Variants in TCF12 observed in about 807,000 individuals in gnomAD.
TCF12 encodes transcription factor 12, also known as DNA-binding protein HTF4.
In TCF12, 45 loss-of-function variants were observed where a neutral mutation model predicts 86.0. The ratio of observed to expected loss-of-function variants is 0.52; its 90% confidence interval spans 0.41 to 0.67. TCF12 has a LOEUF of 0.67. TCF12 is among the 30% of genes least tolerant of loss of function. The pLI is 0.00. For synonymous variants in TCF12, 330 were observed against 299.6 expected, an observed-to-expected ratio of 1.10 and a Z score of -1.05; for missense variants, 881 against 859.9, an observed-to-expected ratio of 1.02 and a Z score of -0.31.
intron 3 of TCF12, among the ~76,000 whole-genome samples, chr15:57,056,116 G>GGGGTGTGTGTGTGTGT (rs367596955): frequency 1.4e-5 from 2 of 143,238 alleles, no homozygotes; most frequent in Admixed American, 6.9e-5. Flanking sequence ...TAGTTTTAGG[G>GGGGTGTGTGTGTGTGT]GTGTGTGTGT....
chr15:57,227,030 AG>A (rs1157402838), intron 8 of TCF12, among the ~76,000 whole-genome samples: 1 of 152,128 alleles, frequency 6.6e-6, no homozygotes, highest in Non-Finnish European at 1.5e-5. Context: ...TATCTCAATT[AG>A]GATATATAGC....
At chr15:57,199,299 C>G (rs1157396609) in intron 8 of TCF12, among the ~76,000 whole-genome samples, 8 of 152,106 alleles carry the variant, frequency 5.3e-5, no homozygotes, top group African/African-American at 1.9e-4. Context: ...CAGATGATTT[C>G]TGTTAAATTA....
intron 8 of TCF12, among the ~76,000 whole-genome samples, chr15:57,225,290 G>A (rs1465019940): frequency 7.7e-6 from 1 of 129,492 alleles, no homozygotes; most frequent in Admixed American, 9.0e-5. Context: ...CTGGAGTGCA[G>A]TGGCAATGGT....
At chr15:57,077,253 TG>T (rs2070152388) in intron 4 of TCF12, among the ~76,000 whole-genome samples, 6 of 152,040 alleles carry the variant, frequency 3.9e-5, no homozygotes, top group African/African-American at 1.4e-4. Context: ...AACTTAACAG[TG>T]TGGAGGCTTT....
chr15:57,065,969 T>C (rs1194223717), intron 4 of TCF12, among the ~76,000 whole-genome samples: 11 of 152,198 alleles, frequency 7.2e-5, no homozygotes, highest in Non-Finnish European at 2.9e-5. Context: ...TTTATTTTTG[T>C]TCCCATTGAA....
At chr15:57,176,460 A>G (rs376882403) in intron 6 of TCF12, among the ~76,000 whole-genome samples, 4 of 152,244 alleles carry the variant, frequency 2.6e-5, no homozygotes, top group South Asian at 2.1e-4. Flanking sequence ...TAGGTTAACA[A>G]TGATGATACT....
chr15:57,239,629 T>G (rs1295501443), intron 12 of TCF12, among the ~76,000 whole-genome samples: 1 of 151,944 alleles, frequency 6.6e-6, no homozygotes, highest in African/African-American at 2.4e-5. Flanking sequence ...GCCGCAAGTT[T>G]GAGTAAAGAT....
At chr15:56,976,920 A>G (rs1253600319) in intron 3 of TCF12, among the ~76,000 whole-genome samples, 5 of 152,186 alleles carry the variant, frequency 3.3e-5, no homozygotes, top group African/African-American at 9.7e-5. Flanking sequence ...GTGAGGGGAC[A>G]TATTTTAAAA....
At chr15:56,992,892 T>TG (rs2063521969) in intron 3 of TCF12, among the ~76,000 whole-genome samples, 1 of 152,178 alleles carries the variant, frequency 6.6e-6, no homozygotes, top group South Asian at 2.1e-4. Context: ...ATTGAGCAAC[T>TG]GAGAAGAAGT....
chr15:56,940,393 A>G (rs1404781914), intron 3 of TCF12, among the ~76,000 whole-genome samples: 2 of 152,112 alleles, frequency 1.3e-5, no homozygotes, highest in Admixed American at 6.6e-5. Flanking sequence ...TGTTGTCTTC[A>G]TATTTTGAAG....
At chr15:56,938,104 G>C (rs1296729178) in intron 3 of TCF12, among the ~76,000 whole-genome samples, 2 of 86,758 alleles carry the variant, frequency 2.3e-5, no homozygotes. Flanking sequence ...TTGCATCTAT[G>C]TTCATCAGTG....
At chr15:56,975,750 T>G (rs2140815150) in intron 3 of TCF12, among the ~76,000 whole-genome samples, 1 of 152,138 alleles carries the variant, frequency 6.6e-6, no homozygotes, top group South Asian at 2.1e-4. Context: ...TAATAAAACT[T>G]TAGGTTTTAA....
At chr15:57,124,951 C>T (rs1480309191) in intron 5 of TCF12, among the ~76,000 whole-genome samples, 2 of 152,172 alleles carry the variant, frequency 1.3e-5, no homozygotes, top group East Asian at 3.9e-4. Flanking sequence ...GGATTACAGG[C>T]ATGAGCCACC....
At chr15:57,106,691 C>T (rs2050154693) in intron 5 of TCF12, among the ~76,000 whole-genome samples, 1 of 152,074 alleles carries the variant, frequency 6.6e-6, no homozygotes, top group South Asian at 2.1e-4. Flanking sequence ...GACTACTGTT[C>T]AAAATATATA....
chr15:57,179,943 T>A (rs1462725138), intron 6 of TCF12, among the ~76,000 whole-genome samples: 2 of 152,226 alleles, frequency 1.3e-5, no homozygotes, highest in Non-Finnish European at 2.9e-5. Context: ...TGCCAGTTGC[T>A]ATTGATTACT....
At chr15:57,280,858 T>C (rs2061653462) in intron 19 of TCF12, among the ~76,000 whole-genome samples, 1 of 152,226 alleles carries the variant, frequency 6.6e-6, no homozygotes, top group Admixed American at 6.5e-5. Context: ...AAATGATCCC[T>C]TTATATTATA....
intron 9 of TCF12, among the ~76,000 whole-genome samples, chr15:57,231,930 G>A (rs947183045): frequency 2.0e-5 from 3 of 152,056 alleles, no homozygotes; most frequent in African/African-American, 7.2e-5. Flanking sequence ...TGCACATTGC[G>A]TGTTATGCAT....
chr15:57,170,793 TA>T (rs1567560226), intron 6 of TCF12, among the ~76,000 whole-genome samples: 559 of 35,116 alleles, frequency 0.016, 33 homozygotes, highest in African/African-American at 0.053. Context: ...ATATATATAA[TA>T]TATATATATA....
At chr15:57,148,654 G>A (rs1239155967) in intron 5 of TCF12, among the ~76,000 whole-genome samples, 1 of 150,196 alleles carries the variant, frequency 6.7e-6, no homozygotes, top group Non-Finnish European at 1.5e-5. Context: ...GCTGAGGTGG[G>A]TGGATCACTT....
Sources: gnomAD v4.1 joint callset for allele counts (sites outside exome capture counted in the v4.1 genomes callset) on GRCh38, gnomAD v4.1.1 for gene constraint, MANE v1.5 for transcripts, NCBI Gene and HGNC (gene_info 2026-07-23, HGNC 2026-07-21) for gene names.